C1GALT1: variants seen among roughly 807,000 people sequenced by gnomAD.
C1GALT1 encodes core 1 synthase, glycoprotein-N-acetylgalactosamine 3-beta-galactosyltransferase 1, also known as glycoprotein-N-acetylgalactosamine 3-beta-galactosyltransferase 1.
Under a neutral mutation model 31.0 loss-of-function variants are expected in C1GALT1, and 11 were observed. The observed-to-expected ratio is 0.36, with a 90% CI of 0.22 to 0.59. The LOEUF (loss-of-function observed/expected upper bound fraction) is 0.59. Ranked by LOEUF, C1GALT1 falls within the 20% of genes least tolerant of loss-of-function variation. The pLI is 0.79. For synonymous variants in C1GALT1, 175 were observed against 143.6 expected (o/e 1.22, Z -1.56); for missense variants, 424 against 425.2 (o/e 1.00, Z 0.03).
upstream of C1GALT1, among the ~76,000 whole-genome samples, chr7:7,179,208 G>A (rs1230361157): frequency 6.6e-6 from 1 of 152,122 alleles, no homozygotes; most frequent in Non-Finnish European, 1.5e-5. Context: ...TAAAAAGTCT[G>A]GCATGTTTTA....
intron 2 of C1GALT1, among the ~76,000 whole-genome samples, chr7:7,169,696 A>T (rs959580437): frequency 6.6e-6 from 1 of 152,074 alleles, no homozygotes; most frequent in African/African-American, 2.4e-5. Context: ...GTGTCTATGC[A>T]AGTCTTTTGT....
At chr7:7,221,672 A>G (rs535030847) in intron 1 of C1GALT1, among the ~76,000 whole-genome samples, 2 of 152,386 alleles carry the variant, frequency 1.3e-5, no homozygotes, top group African/African-American at 4.8e-5. Flanking sequence ...TAGGAATTCC[A>G]TAATGCAAAT....
chr7:7,220,912 T>G (rs1001368959), intron 1 of C1GALT1, among the ~76,000 whole-genome samples: 3 of 152,252 alleles, frequency 2.0e-5, no homozygotes, highest in Non-Finnish European at 1.5e-5. Flanking sequence ...TTTTCTCCAC[T>G]GCTTTTTAGC....
At chr7:7,163,358 C>A (rs1372178948) in intron 2 of C1GALT1, among the ~76,000 whole-genome samples, 1 of 152,128 alleles carries the variant, frequency 6.6e-6, no homozygotes, top group Admixed American at 6.5e-5. Flanking sequence ...CAGCCAATAT[C>A]ATACTCAATG....
Position 7,243,577 on chromosome 7 carries a change from A to C in C1GALT1, c.942A>C (p.Thr314=). The C allele has an allele frequency of 1.2e-6, 2 of 1,611,890 alleles. No individual in the cohort carries two copies. Among genetic ancestry groups the C allele is most frequent in the Non-Finnish European group, 1.7e-6 (2 of 1,179,258 alleles). Residue 314 remains threonine (T), a synonymous_variant, in exon 4 of 4, where the codon ACA becomes ACC. Coordinates refer to ENST00000436587, the MANE Select transcript of C1GALT1 (RefSeq NM_020156.5). The part of the protein sequence containing the change: ...LAVSFHYVDS[T]TMYELEYLVY... ...TTTCTTTTCACTATGTTGATTCTAC[A>C]ACCATGTATGAGTTAGAATACCTCG... is the stretch of plus-strand genomic sequence containing the variant.
At chr7:7,161,054 T>C (rs994528338) in intron 2 of C1GALT1, among the ~76,000 whole-genome samples, 1 of 152,130 alleles carries the variant, frequency 6.6e-6, no homozygotes, top group African/African-American at 2.4e-5. Flanking sequence ...GTGTAGTCAT[T>C]ACTACACAAA....
intron 2 of C1GALT1, among the ~76,000 whole-genome samples, chr7:7,165,856 C>A (rs1202309823): frequency 1.3e-5 from 2 of 152,122 alleles, no homozygotes; most frequent in Non-Finnish European, 2.9e-5. Flanking sequence ...AATAGAAAAA[C>A]TCATTTCATG....
chr7:7,245,120 A>G lies in C1GALT1; in HGVS notation c.*1393A>G, dbSNP rs1209711878. 6.6e-6 allele frequency: 1 copy of G among 152,232 alleles called. No homozygotes were observed. Among genetic ancestry groups the G allele is most frequent in the Non-Finnish European group, 1.5e-5 (1 of 68,038 alleles). 9.4% of individuals were successfully genotyped at this position (152,232 alleles called of 1,614,324 possible). A position where few individuals can be genotyped will look rare whatever the true frequency, so the allele number is the denominator to read the frequency against. ...TAGCAGAATATTTTACAGACTTTCT[A>G]TGAGATTATTTTTATGGTACAAAGT... On this transcript the variant is annotated 3_prime_UTR_variant, in exon 4 of 4. Transcript: ENST00000436587.
intron 1 of C1GALT1, among the ~76,000 whole-genome samples, chr7:7,185,260 T>G (rs953276046): frequency 3.3e-5 from 5 of 152,134 alleles, no homozygotes; most frequent in African/African-American, 9.7e-5. Context: ...TTAGGGAGAT[T>G]CTGGAATGGG....
In C1GALT1 at chr7:7,183,370, T is replaced by TGA. The variant is rs1432850478; in HGVS notation, c.-18+551_-18+552insAG. Among the ~76,000 whole-genome samples, 537 of 152,324 alleles carry TGA rather than the reference T, an allele frequency of 3.5e-3. 3 individuals carry two copies. Among genetic ancestry groups the TGA allele is most frequent in the African/African-American group, 0.012 (509 of 41,596 alleles). ...GCTCCTTCCAGAGGTGCCTGGAGCT[T>TGA]GCTTGGGTCTAGCTTGGATCATCAG... On this transcript the variant is annotated intron_variant, in intron 1 of 3. Transcript: ENST00000436587.
chr7:7,210,650 A>T (rs1781956614), intron 1 of C1GALT1: 1 of 152,214 alleles, frequency 6.6e-6, no homozygotes, highest in South Asian at 2.1e-4. Context: ...TAGGCGCATC[A>T]TTCACATAGC....
chr7:7,165,663 T>G (rs933770644), intron 2 of C1GALT1, among the ~76,000 whole-genome samples: 2 of 152,108 alleles, frequency 1.3e-5, no homozygotes, highest in Non-Finnish European at 2.9e-5. Flanking sequence ...TATGTTCCCT[T>G]TCAGGAGAAA....
intron 1 of C1GALT1, among the ~76,000 whole-genome samples, chr7:7,216,344 C>G (rs1324319323): frequency 6.6e-6 from 1 of 152,128 alleles, no homozygotes; most frequent in Non-Finnish European, 1.5e-5. Context: ...AATGTGCTCC[C>G]CCATGGTTGT....
At chr7:7,194,632 TC>T in intron 1 of C1GALT1, among the ~76,000 whole-genome samples, 1 of 151,516 alleles carries the variant, frequency 6.6e-6, no homozygotes, top group South Asian at 2.1e-4. Context: ...CCTGTAGTTT[TC>T]TTTTTTTTTG....
chr7:7,166,422 A>G (rs1210162788), intron 2 of C1GALT1, among the ~76,000 whole-genome samples: 1 of 152,202 alleles, frequency 6.6e-6, no homozygotes. Flanking sequence ...ATAATGTATG[A>G]TATCATTTTT....
chr7:7,196,553 A>G (rs572139158), intron 1 of C1GALT1, among the ~76,000 whole-genome samples: 6 of 152,164 alleles, frequency 3.9e-5, no homozygotes, highest in Non-Finnish European at 7.4e-5. Flanking sequence ...TAGCAGCATG[A>G]TTTGTAATCC....
rs563912033 is a variant in C1GALT1 at position 7,246,456 on chromosome 7, G to A, written c.*2729G>A. Reference sequence around the variant, plus strand: ...AACTGTGGTTCTCACACTTGCCCAGGATGTTGTTAAATGCAGATCTGAAGA... The same window carrying A: ...AACTGTGGTTCTCACACTTGCCCAGAATGTTGTTAAATGCAGATCTGAAGA... On this transcript the variant is annotated 3_prime_UTR_variant, in exon 4 of 4. Coordinates refer to ENST00000436587, the MANE Select transcript of C1GALT1 (RefSeq NM_020156.5). The A allele has an allele frequency of 2.6e-5, 4 of 152,138 alleles. 1 individual carries two copies. Among genetic ancestry groups the A allele is most frequent in the African/African-American group, 9.7e-5 (4 of 41,422 alleles). 9.4% of individuals were successfully genotyped at this position (152,138 alleles called of 1,614,324 possible). A position where few individuals can be genotyped will look rare whatever the true frequency, so the allele number is the denominator to read the frequency against.
chr7:7,242,208 C>T (rs1468799070), intron 3 of C1GALT1, among the ~76,000 whole-genome samples: 2 of 110,506 alleles, frequency 1.8e-5, no homozygotes, highest in South Asian at 5.1e-4. Flanking sequence ...AATGAAATTT[C>T]ACTTTTTTTT....
intron 1 of C1GALT1, among the ~76,000 whole-genome samples, chr7:7,233,249 A>C (rs1275729414): frequency 1.3e-5 from 2 of 152,070 alleles, no homozygotes; most frequent in African/African-American, 4.8e-5. Context: ...TGCAGTATAG[A>C]GCAGAGGTCA....
Sources: gnomAD v4.1 joint callset for allele counts (sites outside exome capture counted in the v4.1 genomes callset) on GRCh38, gnomAD v4.1.1 for gene constraint, MANE v1.5 for transcripts, NCBI Gene and HGNC (gene_info 2026-07-23, HGNC 2026-07-21) for gene names.